Variants in PLGRKT observed in about 807,000 individuals in gnomAD.
PLGRKT encodes plasminogen receptor with a C-terminal lysine, also known as plasminogen receptor (KT).
Under a neutral mutation model 18.5 loss-of-function variants are expected in PLGRKT, and 22 were observed. The observed-to-expected ratio is 1.19, with a 90% CI of 0.85 to 1.70. PLGRKT has a LOEUF of 1.70. Ranked by LOEUF, PLGRKT falls within the 40% of genes most tolerant of loss-of-function variation. PLGRKT has a pLI of 0.00. For missense variants in PLGRKT, 235 were observed against 174.4 expected, an observed-to-expected ratio of 1.35 and a Z score of -1.96; for synonymous variants, 72 against 52.8, an observed-to-expected ratio of 1.36 and a Z score of -1.58.
At chr9:5,394,506 G>C (rs565887791) in intron 3 of PLGRKT, among the ~76,000 whole-genome samples, 1 of 151,708 alleles carries the variant, frequency 6.6e-6, no homozygotes, top group Non-Finnish European at 1.5e-5. Flanking sequence ...TCCGCCTCCC[G>C]GGTTCAAGCA....
chr9:5,411,631 C>T (rs1229745809), intron 3 of PLGRKT, among the ~76,000 whole-genome samples: 3 of 152,172 alleles, frequency 2.0e-5, no homozygotes, highest in Admixed American at 6.5e-5. Flanking sequence ...GAATCCACAG[C>T]CCTCAGTAGC....
chr9:5,365,118 A>G (rs1215306617), intron 3 of PLGRKT, among the ~76,000 whole-genome samples: 1 of 10,424 alleles, frequency 9.6e-5, no homozygotes, highest in Non-Finnish European at 1.5e-4. Context: ...CTACTCTCCA[A>G]AAAAAAATAA....
Position 5,431,883 on chromosome 9 carries a change from A to AT in PLGRKT, c.81+13dup. ...ATTGTAACAACATAATAGCTTAATTATTTTAAAACATACCTGAAGTCGAGC... is the reference window on the plus strand; with the variant it reads ...ATTGTAACAACATAATAGCTTAATTATTTTTAAAACATACCTGAAGTCGAGC... On this transcript the variant is annotated intron_variant, in intron 3 of 5. Coordinates refer to ENST00000223864, the MANE Select transcript of PLGRKT (RefSeq NM_018465.4). The AT allele has an allele frequency of 7.8e-7, 1 of 1,286,130 alleles. No homozygotes were observed. Among genetic ancestry groups the AT allele is most frequent in the Non-Finnish European group, 1.1e-6 (1 of 883,680 alleles). 79.7% of individuals were successfully genotyped at this position (1,286,130 alleles called of 1,614,324 possible).
chr9:5,392,901 G>A (rs909913851), intron 3 of PLGRKT, among the ~76,000 whole-genome samples: 2 of 151,518 alleles, frequency 1.3e-5, no homozygotes, highest in Non-Finnish European at 1.5e-5. Flanking sequence ...GAGTGCAGTG[G>A]TGCAGTCTCG....
rs61272166 is a variant in PLGRKT, at chr9:5,424,700, G to A, written c.81+7197C>T. ...TATATATATATATATATACACACAGGGGGGGGAGAGAGGGAGAGACAGAGA... is the reference window on the plus strand; with the variant it reads ...TATATATATATATATATACACACAGAGGGGGGAGAGAGGGAGAGACAGAGA... On this transcript the variant is annotated intron_variant, in intron 3 of 5. Coordinates refer to ENST00000223864, the MANE Select transcript of PLGRKT (RefSeq NM_018465.4). Among the ~76,000 whole-genome samples the A allele has an allele frequency of 1.9e-3, 223 of 116,300 alleles. 2 individuals are homozygous for A. Among genetic ancestry groups the A allele is most frequent in the African/African-American group, 7.7e-3 (188 of 24,470 alleles). 76.3% of individuals were successfully genotyped at this position (116,300 alleles called of 152,430 possible). A position where few individuals can be genotyped will look rare whatever the true frequency, so the allele number is the denominator to read the frequency against.
intron 3 of PLGRKT, among the ~76,000 whole-genome samples, chr9:5,368,235 A>G (rs1469414584): frequency 1.3e-5 from 2 of 152,222 alleles, no homozygotes; most frequent in Non-Finnish European, 2.9e-5. Flanking sequence ...TACTGGGTAT[A>G]TATCCAAAAG....
At chr9:5,369,009 A>T (rs1817457648) in intron 3 of PLGRKT, among the ~76,000 whole-genome samples, 1 of 152,230 alleles carries the variant, frequency 6.6e-6, no homozygotes, top group South Asian at 2.1e-4. Context: ...AAACCCTAGA[A>T]GAAAACCTAG....
At chr9:5,391,911 G>C (rs1465884349) in intron 3 of PLGRKT, among the ~76,000 whole-genome samples, 10 of 152,036 alleles carry the variant, frequency 6.6e-5, no homozygotes. Flanking sequence ...CAGAAGTAGG[G>C]ATGGGCATGT....
At chr9:5,365,043 T>C (rs185306226) in intron 3 of PLGRKT, among the ~76,000 whole-genome samples, 3 of 152,252 alleles carry the variant, frequency 2.0e-5, no homozygotes, top group African/African-American at 7.2e-5. Flanking sequence ...TGACAGGGCA[T>C]AGAGGCAATA....
intron 4 of PLGRKT, 135 bp downstream of exon 4, chr9:5,361,623 T>C: frequency 2.6e-6 from 2 of 756,478 alleles, no homozygotes; most frequent in South Asian, 2.0e-5. Context: ...CCCCAAGGAC[T>C]AAGGTTAATA....
intron 1 of PLGRKT, among the ~76,000 whole-genome samples, chr9:5,437,190 A>G (rs1253237454): frequency 1.3e-5 from 2 of 152,122 alleles, no homozygotes; most frequent in Non-Finnish European, 2.9e-5. Flanking sequence ...GGTGCCTGCA[A>G]GTTCCAGACA....
At position 5,366,884 on chromosome 9, in the gene PLGRKT, G is replaced by C. The variant is rs1490981355; in HGVS notation, c.82-4996C>G. ...AAGAGGCTCCTACCCCTAATAAATA[G>C]ACCTAATAAACAACTTCAGTAAAGT... On this transcript the variant is annotated intron_variant, in intron 3 of 5. Transcript: ENST00000223864. Among the ~76,000 whole-genome samples, 11 of 152,004 alleles carry C rather than the reference G, an allele frequency of 7.2e-5. No homozygotes were observed. The East Asian group carries it at 1.7e-3, about 24-fold the overall frequency.
rs150461938 is a variant in PLGRKT, at chr9:5,408,730, C to A, written c.81+23167G>T. 5.1e-4 allele frequency among the ~76,000 whole-genome samples: 77 copies of A among 152,326 alleles called. 1 individual carries two copies. In the East Asian group the frequency reaches 0.011, roughly 22 times the overall value. ...AAAGGCCTTGAAGACATTTCAGAGA[C>A]CTTTGCAGCAGCCCCTCCCATCACA... On this transcript the variant is annotated intron_variant, in intron 3 of 5. Coordinates refer to ENST00000223864, the MANE Select transcript of PLGRKT (RefSeq NM_018465.4).
At chr9:5,403,224 C>CTTT (rs34557029) in intron 3 of PLGRKT, among the ~76,000 whole-genome samples, 4 of 135,154 alleles carry the variant, frequency 3.0e-5, no homozygotes, top group South Asian at 2.3e-4. Context: ...ATTCTTTTTT[C>CTTT]TTTTTTTTTT....
intron 3 of PLGRKT, among the ~76,000 whole-genome samples, chr9:5,422,629 T>C (rs1818599561): frequency 6.6e-6 from 1 of 152,202 alleles, no homozygotes; most frequent in African/African-American, 2.4e-5. Flanking sequence ...AAGACACTTG[T>C]GAAGCAACTG....
intron 3 of PLGRKT, among the ~76,000 whole-genome samples, chr9:5,397,434 C>T (rs556382621): frequency 4.6e-5 from 7 of 151,938 alleles, no homozygotes; most frequent in Admixed American, 1.3e-4. Flanking sequence ...TTCTATTAAA[C>T]GTAGGCTGTA....
At chr9:5,395,888 GT>G (rs201547310) in intron 3 of PLGRKT, among the ~76,000 whole-genome samples, 5,357 of 129,624 alleles carry the variant, frequency 0.041, 212 homozygotes, top group African/African-American at 0.12. Context: ...TAACCTAACA[GT>G]TTTTTTTTTT....
intron 3 of PLGRKT, among the ~76,000 whole-genome samples, chr9:5,424,668 T>TTATATATATATATGTATATATATATA (rs1818655104): frequency 1.8e-4 from 20 of 113,156 alleles, no homozygotes; most frequent in African/African-American, 8.2e-4. Flanking sequence ...ATTATATATT[T>TTATATATATATATGTATATATATATA]TATATATATA....
At chr9:5,432,336 G>A (rs749706320) in intron 2 of PLGRKT, among the ~76,000 whole-genome samples, 2 of 152,110 alleles carry the variant, frequency 1.3e-5, no homozygotes, top group South Asian at 2.1e-4. Flanking sequence ...TTTTGTGAGG[G>A]GAAGGGTGGA....
Sources: gnomAD v4.1 joint callset for allele counts (sites outside exome capture counted in the v4.1 genomes callset) on GRCh38, gnomAD v4.1.1 for gene constraint, MANE v1.5 for transcripts, NCBI Gene and HGNC (gene_info 2026-07-23, HGNC 2026-07-21) for gene names.